Variants in SHISA9 observed in about 807,000 individuals in gnomAD.
SHISA9 encodes protein shisa-9.
In SHISA9, 13 loss-of-function variants were observed where a neutral mutation model predicts 38.0. That is an observed-to-expected ratio of 0.34 (90% CI 0.22 to 0.54). The LOEUF is 0.54. SHISA9 is among the 20% of genes least tolerant of loss of function. The pLI is 0.91. For missense variants in SHISA9, 538 were observed against 575.8 expected (o/e 0.93, Z 0.67); for synonymous variants, 275 against 242.0 (o/e 1.14, Z -1.27).
chr16:13,330,382 C>T, the SHISA9 span, among the ~76,000 whole-genome samples: 1 of 152,056 alleles, frequency 6.6e-6, no homozygotes, highest in Non-Finnish European at 1.5e-5. Flanking sequence ...CAAGATAATA[C>T]CTGCCAATGA....
At chr16:13,433,076 T>A in the SHISA9 span, among the ~76,000 whole-genome samples, 5 of 149,140 alleles carry the variant, frequency 3.4e-5, no homozygotes, top group African/African-American at 1.2e-4. Flanking sequence ...ATAAAAATTT[T>A]AAAAAATGCT....
At chr16:13,315,012 T>C in the SHISA9 span, among the ~76,000 whole-genome samples, 1 of 152,108 alleles carries the variant, frequency 6.6e-6, no homozygotes, top group East Asian at 1.9e-4. Flanking sequence ...TTAGTCATCA[T>C]GATCCACACA....
chr16:13,129,738 G>A (rs1320057178), intron 2 of SHISA9, among the ~76,000 whole-genome samples: 1 of 152,142 alleles, frequency 6.6e-6, no homozygotes, highest in East Asian at 1.9e-4. Flanking sequence ...TTCAATGGAT[G>A]GTCCCATATG....
At chr16:13,041,104 A>C (rs2073127102) in intron 2 of SHISA9, among the ~76,000 whole-genome samples, 1 of 152,182 alleles carries the variant, frequency 6.6e-6, no homozygotes. Context: ...TGCAGCACTG[A>C]ACAAAATGCA....
At chr16:13,069,261 A>G (rs2073479029) in intron 2 of SHISA9, among the ~76,000 whole-genome samples, 1 of 152,136 alleles carries the variant, frequency 6.6e-6, no homozygotes, top group South Asian at 2.1e-4. Context: ...ATGTGTGTAC[A>G]TGCAATGTGT....
the SHISA9 span, among the ~76,000 whole-genome samples, chr16:13,533,558 C>T: frequency 2.6e-5 from 4 of 151,996 alleles, no homozygotes; most frequent in South Asian, 6.3e-4. Context: ...TCTTCATCAC[C>T]CCACCCCCAC....
chr16:13,086,937 A>G (rs2073717391), intron 2 of SHISA9, among the ~76,000 whole-genome samples: 2 of 151,776 alleles, frequency 1.3e-5, no homozygotes, highest in Non-Finnish European at 2.9e-5. Flanking sequence ...TACATTAGGT[A>G]TTTCTCCTAA....
chr16:13,206,520 T>C (rs567232057), intron 3 of SHISA9, among the ~76,000 whole-genome samples: 117 of 152,326 alleles, frequency 7.7e-4, no homozygotes, highest in African/African-American at 2.7e-3. Flanking sequence ...AGCATTTTGG[T>C]GCCTAGCATA....
chr16:12,937,193 G>A (rs539547994), intron 2 of SHISA9, among the ~76,000 whole-genome samples: 187 of 152,258 alleles, frequency 1.2e-3, no homozygotes, highest in African/African-American at 4.2e-3. Flanking sequence ...AGTGTCTTAT[G>A]TCTAGCAGTC....
the SHISA9 span, among the ~76,000 whole-genome samples, chr16:13,365,442 G>A: frequency 1.3e-5 from 2 of 148,838 alleles, no homozygotes; most frequent in Non-Finnish European, 3.0e-5. Context: ...CTCTCCTACA[G>A]AGAGTATACC....
At chr16:13,412,217 A>G in the SHISA9 span, among the ~76,000 whole-genome samples, 2 of 152,124 alleles carry the variant, frequency 1.3e-5, no homozygotes, top group Admixed American at 6.5e-5. Flanking sequence ...ATGATATCCA[A>G]CCTGGGGAAT....
At chr16:13,363,856 CGA>C in the SHISA9 span, among the ~76,000 whole-genome samples, 1 of 152,150 alleles carries the variant, frequency 6.6e-6, no homozygotes, top group Non-Finnish European at 1.5e-5. Context: ...AAGAAGTAGT[CGA>C]AGAGTAGTCC....
chr16:13,261,983 C>G, the SHISA9 span, among the ~76,000 whole-genome samples: 1 of 152,094 alleles, frequency 6.6e-6, no homozygotes, highest in Admixed American at 6.5e-5. Context: ...CACTGTGCAG[C>G]CTTCATATCA....
intron 2 of SHISA9, among the ~76,000 whole-genome samples, chr16:13,147,744 A>G (rs145548975): frequency 1.4e-4 from 21 of 152,316 alleles, no homozygotes; most frequent in African/African-American, 4.3e-4. Flanking sequence ...TATAGGCGTA[A>G]GCCACCACGC....
chr16:13,386,426 G>A, the SHISA9 span, among the ~76,000 whole-genome samples: 6,161 of 152,160 alleles, frequency 0.04, 264 homozygotes, highest in African/African-American at 0.11. Flanking sequence ...GACAAGTCTG[G>A]ATTCAAATTC....
At chr16:13,179,785 G>A (rs937603846) in intron 2 of SHISA9, among the ~76,000 whole-genome samples, 3 of 152,222 alleles carry the variant, frequency 2.0e-5, no homozygotes, top group Admixed American at 6.5e-5. Context: ...GCCATTGAAT[G>A]GGAGCAGATC....
chr16:13,199,668 G>T lies in SHISA9; in HGVS notation c.692-3726G>T, dbSNP rs185761372. ...ATTCACTTGACTTCATGGCCTTTTC[G>T]TTGTTTGACTCCAATGGTTCCAAGT... is the stretch of plus-strand genomic sequence containing the variant. On this transcript the variant is annotated intron_variant, in intron 2 of 4. Coordinates refer to ENST00000558583, the MANE Select transcript of SHISA9 (RefSeq NM_001145204.3). Among the ~76,000 whole-genome samples the T allele has an allele frequency of 1.6e-3, 249 of 152,230 alleles. 2 individuals are homozygous for T. The highest frequency in any genetic ancestry group is 5.7e-3 in the African/African-American group (236 of 41,538).
chr16:13,287,325 A>G, the SHISA9 span, among the ~76,000 whole-genome samples: 1 of 152,178 alleles, frequency 6.6e-6, no homozygotes, highest in Non-Finnish European at 1.5e-5. Context: ...ATTCCGTGGC[A>G]GAAAGATAAG....
chr16:13,455,939 T>C, the SHISA9 span, among the ~76,000 whole-genome samples: 2 of 152,206 alleles, frequency 1.3e-5, no homozygotes, highest in Non-Finnish European at 2.9e-5. Context: ...AGATATTTCT[T>C]GTGGCCTGGA....
Sources: gnomAD v4.1 joint callset for allele counts (sites outside exome capture counted in the v4.1 genomes callset) on GRCh38, gnomAD v4.1.1 for gene constraint, MANE v1.5 for transcripts, NCBI Gene and HGNC (gene_info 2026-07-23, HGNC 2026-07-21) for gene names.